ZNF587: variants seen among roughly 807,000 people sequenced by gnomAD.
ZNF587 encodes zinc finger protein zfp6.
In ZNF587, 8 loss-of-function variants were observed where a neutral mutation model predicts 7.5. The ratio of observed to expected loss-of-function variants is 1.06; its 90% CI spans 0.62 to 1.92. The LOEUF (loss-of-function observed/expected upper bound fraction) is 1.92, where lower values mean the gene tolerates loss of function less well. ZNF587 is among the 40% of genes most tolerant of loss of function. The probability of loss-of-function intolerance (pLI) is 0.00; values close to 1 mark genes in which losing one functional copy is unlikely to be tolerated. For synonymous variants in ZNF587, 145 were observed against 237.8 expected (o/e 0.61, Z 3.59); for missense variants, 468 against 692.8 (o/e 0.68, Z 3.64).
chr19:57,859,794 A>G lies in ZNF587; in HGVS notation c.1382A>G (p.Glu461Gly). 3 of 1,614,160 alleles carry G rather than the reference A, an allele frequency of 1.9e-6. No individual in the cohort carries two copies. Among genetic ancestry groups the G allele is most frequent in the Non-Finnish European group, 2.5e-6 (3 of 1,180,012 alleles). Residue 461 changes from glutamate (E) to glycine (G), a missense_variant, in exon 3 of 3, where the codon GAA becomes GGA. This residue lies in a region of ZNF587 where 310 missense variants were observed against 325.6 expected (regional missense o/e 0.95). Transcript: ENST00000339656. ...LLVHERVHTG[E>G]RPYACEVCGK... ...GTTCATGAGAGAGTTCACACTGGAG[A>G]AAGGCCATATGCGTGTGAGGTATGT... is the stretch of plus-strand genomic sequence containing the variant.
chr19:57,858,594 A>G lies in ZNF587; in HGVS notation c.182A>G (p.Lys61Arg). ...ISSLGCWCGS[K>R]DEEAPCKQRI... Reference sequence around the variant, plus strand: ...CTTTCAGGTTGTTGGTGTGGATCAAAAGATGAGGAGGCACCTTGTAAGCAG... The same window carrying G: ...CTTTCAGGTTGTTGGTGTGGATCAAGAGATGAGGAGGCACCTTGTAAGCAG... Residue 61 changes from lysine to arginine, a missense_variant, in exon 3 of 3, where the codon AAA (lysine) becomes AGA (arginine). By Grantham distance (26) the Lys-to-Arg change is conservative. Coordinates refer to ENST00000339656, the MANE Select transcript of ZNF587 (RefSeq NM_032828.4). The G allele has an allele frequency of 6.3e-7, 1 of 1,597,464 alleles. No homozygotes were observed. The highest frequency in any genetic ancestry group is 8.5e-7 in the Non-Finnish European group (1 of 1,171,128).
Position 57,858,608 on chromosome 19 carries a change from C to T in ZNF587, c.196C>T (p.Pro66Ser). The change falls in exon 3 of 3, where the codon CCT becomes TCT. Residue 66 changes from proline to serine, a missense_variant. Transcript: ENST00000339656. ...CWCGSKDEEA[P>S]CKQRISVQRE... ...GTGTGGATCAAAAGATGAGGAGGCA[C>T]CTTGTAAGCAGAGAATTTCTGTACA... is the stretch of plus-strand genomic sequence containing the variant. The T allele has an allele frequency of 6.3e-7, 1 of 1,583,356 alleles. No individual in the cohort carries two copies. The highest frequency in any genetic ancestry group is 8.6e-7 in the Non-Finnish European group (1 of 1,166,770).
At chr19:57,855,842 T>G (rs1474809065) in intron 1 of ZNF587, 1 of 444,550 alleles carries the variant, frequency 2.2e-6, no homozygotes, top group East Asian at 4.8e-5. Context: ...ATTACAGGCG[T>G]GAGCCACCGC....
At chr19:57,855,402 G>A (rs769184186) in intron 1 of ZNF587, among the ~76,000 whole-genome samples, 14 of 152,064 alleles carry the variant, frequency 9.2e-5, no homozygotes, top group Non-Finnish European at 1.9e-4. Context: ...GGGGCTGAAG[G>A]TTGGGGAAAC....
At chr19:57,852,642 C>T (rs1285480790) in intron 1 of ZNF587, among the ~76,000 whole-genome samples, 2 of 151,934 alleles carry the variant, frequency 1.3e-5, no homozygotes, top group Non-Finnish European at 2.9e-5. Flanking sequence ...ATTCTCCTGC[C>T]TCAGCATTCA....
At chr19:57,858,160 C>G (rs1435875747) in intron 2 of ZNF587, 1 of 141,762 alleles carries the variant, frequency 7.1e-6, no homozygotes, top group Non-Finnish European at 1.5e-5. Flanking sequence ...GAGTCTCACT[C>G]TGTTGTCCAG....
In ZNF587 at chr19:57,850,257, C is replaced by G. The variant is rs1448881533; in HGVS notation, c.33+186C>G. On this transcript the variant is annotated intron_variant, in intron 1 of 2. Transcript: ENST00000339656. ...ACGTTGCCAGCTGCCTAGACAGAGC[C>G]GATTTATGAAGACTGGGGAATTGCG... 14 of 978,348 alleles carry G rather than the reference C, an allele frequency of 1.4e-5. No individual in the cohort carries two copies. The Admixed American group carries it at 3.6e-4, about 25-fold the overall frequency. 60.6% of individuals were successfully genotyped at this position (978,348 alleles called of 1,614,324 possible).
intron 1 of ZNF587, among the ~76,000 whole-genome samples, chr19:57,853,558 T>G (rs764324665): frequency 1.3e-4 from 20 of 152,300 alleles, no homozygotes; most frequent in African/African-American, 2.9e-4. Flanking sequence ...ACGTCCTCAA[T>G]TGATGTTATT....
Position 57,856,350 on chromosome 19 carries a change from C to A in ZNF587, c.163+117C>A. 3 of 1,478,340 alleles carry A rather than the reference C, an allele frequency of 2.0e-6. No homozygotes were observed. In the East Asian group the frequency reaches 7.2e-5, roughly 36 times the overall value. 91.6% of individuals were successfully genotyped at this position (1,478,340 alleles called of 1,614,324 possible). A position where few individuals can be genotyped will look rare whatever the true frequency, so the allele number is the denominator to read the frequency against. ...CTGGACACAGGTTCCTTCTGCACTT[C>A]TCTGTGTAAGTTGTGTGGTTCGTAG... On this transcript the variant is annotated intron_variant, in intron 2 of 2. Transcript: ENST00000339656.
At chr19:57,852,769 C>T (rs1163258495) in intron 1 of ZNF587, among the ~76,000 whole-genome samples, 2 of 143,258 alleles carry the variant, frequency 1.4e-5, no homozygotes, top group East Asian at 2.1e-4. Context: ...CTCAAGTGAT[C>T]GTCACATCTC....
chr19:57,850,211 T>C (rs1262427068), intron 1 of ZNF587, 140 bp downstream of exon 1: 1 of 1,504,614 alleles, frequency 6.6e-7, no homozygotes, highest in Non-Finnish European at 9.1e-7. Context: ...AGGCCTCTCC[T>C]TGTAACCGTC....
chr19:57,854,295 A>G (rs1361017504), intron 1 of ZNF587, among the ~76,000 whole-genome samples: 1 of 151,864 alleles, frequency 6.6e-6, no homozygotes, highest in Non-Finnish European at 1.5e-5. Flanking sequence ...GGCCATGGCT[A>G]TCTGAAGCCA....
At chr19:57,853,751 T>C in intron 1 of ZNF587, 1 of 141,414 alleles carries the variant, frequency 7.1e-6, no homozygotes, top group African/African-American at 3.0e-5. Flanking sequence ...AAGTTGTAAC[T>C]TTTTTGTTTT....
In ZNF587 at chr19:57,859,361, G is replaced by A. The variant is rs1362027790; in HGVS notation, c.949G>A (p.Val317Ile). ...QKGSLISHQL[V>I]HTGEGPYECR... ...GGGCAGCCTTATTAGCCATCAGCTT[G>A]TTCACACTGGAGAAGGGCCTTATGA... The change falls in exon 3 of 3, where the codon GTT (valine) becomes ATT (isoleucine). Residue 317 changes from valine to isoleucine, a missense_variant. By Grantham distance (29) the Val-to-Ile change is conservative. Around this residue, in one of 5 missense-constraint regions of ZNF587, gnomAD observed 310 missense variants for 325.6 expected, o/e 0.95. Transcript: ENST00000339656. 1.9e-6 allele frequency: 3 copies of A among 1,611,666 alleles called. No individual in the cohort carries two copies. The highest frequency in any genetic ancestry group is 1.7e-4 in the Middle Eastern group (1 of 6,058).
intron 1 of ZNF587, 128 bp downstream of exon 1, chr19:57,850,199 G>A (rs2071263342): frequency 1.3e-6 from 2 of 1,561,444 alleles, no homozygotes; most frequent in African/African-American, 1.4e-5. Context: ...GGCGCTCACA[G>A]GAGGCCTCTC....
intron 2 of ZNF587, among the ~76,000 whole-genome samples, chr19:57,857,811 T>C (rs138726828): frequency 0.03 from 4,620 of 151,912 alleles, 266 homozygotes; most frequent in African/African-American, 0.1. Context: ...ACTTTTTGTA[T>C]TTTTAGTAGA....
At chr19:57,858,422 C>T (rs2071393302) in intron 2 of ZNF587, 154 bp from the exon 3 acceptor site, 1 of 1,447,514 alleles carries the variant, frequency 6.9e-7, no homozygotes, top group Admixed American at 2.7e-5. Flanking sequence ...CCACCATGCC[C>T]AGCCAGCAGC....
rs200642194 is a variant in ZNF587 at position 57,864,128 on chromosome 19, A to ATTTTTTTTTTTTTTTTTTTTTTTTTTT, written c.*4011_*4012insTTTTTTTTTTTTTTTTTTTTTTTTTTT. The stretch of plus-strand genomic sequence containing the variant: ...ATATGGGCTTAGATATTATCCCTAA[A>ATTTTTTTTTTTTTTTTTTTTTTTTTTT]TTTTTTTTTTTTTTTTTTTTTTTGA... On this transcript the variant is annotated 3_prime_UTR_variant, in exon 3 of 3. Coordinates refer to ENST00000339656, the MANE Select transcript of ZNF587 (RefSeq NM_032828.4). 4.4e-5 allele frequency: 4 copies of ATTTTTTTTTTTTTTTTTTTTTTTTTTT among 90,612 alleles called. No homozygotes were observed. Among genetic ancestry groups the ATTTTTTTTTTTTTTTTTTTTTTTTTTT allele is most frequent in the Non-Finnish European group, 4.1e-5 (2 of 48,916 alleles). 5.6% of individuals were successfully genotyped at this position (90,612 alleles called of 1,614,324 possible).
At chr19:57,858,073 C>T (rs2071386318) in intron 2 of ZNF587, 1 of 162,826 alleles carries the variant, frequency 6.1e-6, no homozygotes, top group African/African-American at 2.4e-5. Context: ...ATCATGAAGC[C>T]TCCTGGATTC....
Sources: allele counts gnomAD v4.1 joint callset (sites outside exome capture counted in the v4.1 genomes callset), GRCh38; gene constraint gnomAD v4.1.1; regional missense constraint gnomAD v4.1.1; transcripts MANE v1.5; gene names NCBI Gene and HGNC (gene_info 2026-07-23, HGNC 2026-07-21).